PCDHGA6: variants seen among roughly 807,000 people sequenced by gnomAD.
The protein encoded by PCDHGA6 is protocadherin gamma-A6.
Under a neutral mutation model 60.6 loss-of-function variants are expected in PCDHGA6, and 41 were observed. The observed-to-expected ratio is 0.68, with a 90% CI of 0.53 to 0.88. The LOEUF is 0.88. PCDHGA6 is among the 40% of genes least tolerant of loss of function. The probability of loss-of-function intolerance (pLI) is 0.00; values close to 1 mark genes in which losing one functional copy is unlikely to be tolerated. For missense variants in PCDHGA6, 1,312 were observed against 1,203.0 expected, an observed-to-expected ratio of 1.09 and a Z score of -1.34; for synonymous variants, 594 against 524.4, an observed-to-expected ratio of 1.13 and a Z score of -1.81.
chr5:141,433,255 A>G (rs2097579829), intron 1 of PCDHGA6: 2 of 1,401,470 alleles, frequency 1.4e-6, no homozygotes, highest in South Asian at 1.4e-5. Context: ...ATGCAGCGGT[A>G]CGATCATAGC....
intron 1 of PCDHGA6, chr5:141,441,945 G>A: frequency 3.0e-6 from 1 of 333,884 alleles, no homozygotes; most frequent in Non-Finnish European, 5.8e-6. Flanking sequence ...ACCACGTGCT[G>A]CAGGCCAGCA....
chr5:141,428,618 T>G (rs554092834), intron 1 of PCDHGA6: 12 of 206,130 alleles, frequency 5.8e-5, no homozygotes, highest in Admixed American at 2.6e-4. Context: ...AATAACAAGA[T>G]AAGCTCTAAC....
At position 141,491,422 on chromosome 5, in the gene PCDHGA6, G is replaced by T. The variant is rs1413549196; in HGVS notation, c.2425-3385G>T. 1 of 1,614,112 alleles carries T rather than the reference G, an allele frequency of 6.2e-7. No homozygotes were observed. The stretch of plus-strand genomic sequence containing the variant: ...AAACGCAGACGGGGACGGGGGTGGA[G>T]GGCAGTGCTGCAGGCGCCAGGACTC... On this transcript the variant is annotated intron_variant, in intron 1 of 3. Coordinates refer to ENST00000517434, the MANE Select transcript of PCDHGA6 (RefSeq NM_018919.3). The surrounding 1 kb of genome is among the most constrained non-coding windows in gnomAD (Gnocchi z 6.9).
At chr5:141,446,020 T>C (rs1226676321) in intron 1 of PCDHGA6, among the ~76,000 whole-genome samples, 1 of 152,180 alleles carries the variant, frequency 6.6e-6, no homozygotes, top group African/African-American at 2.4e-5. Context: ...ACTATGGCAA[T>C]ATTCCTGGTA....
chr5:141,445,035 T>C (rs1438748354), intron 1 of PCDHGA6, among the ~76,000 whole-genome samples: 1 of 152,208 alleles, frequency 6.6e-6, no homozygotes, highest in Admixed American at 6.5e-5. Flanking sequence ...CTATGTTGTA[T>C]AGTTTTCAGT....
chr5:141,393,939 T>C (rs1488586975), intron 1 of PCDHGA6: 2 of 1,613,856 alleles, frequency 1.2e-6, no homozygotes, highest in Non-Finnish European at 8.5e-7. Context: ...TGACCAAGAC[T>C]CTGGAAAGAA....
chr5:141,433,357 G>GCCTA, intron 1 of PCDHGA6: 1 of 569,056 alleles, frequency 1.8e-6, no homozygotes, highest in Non-Finnish European at 3.1e-6. Context: ...CCTACTGTCT[G>GCCTA]CCTATCTATC....
At chr5:141,419,567 G>A in intron 1 of PCDHGA6, 1 of 1,611,758 alleles carries the variant, frequency 6.2e-7, no homozygotes, top group Non-Finnish European at 8.5e-7. Context: ...GCTGGGTCCC[G>A]ACGGCTCCGC....
intron 1 of PCDHGA6, among the ~76,000 whole-genome samples, chr5:141,458,829 C>T (rs2098954599): frequency 6.6e-6 from 1 of 152,108 alleles, no homozygotes; most frequent in Non-Finnish European, 1.5e-5. Context: ...GCCTCCCAGG[C>T]TCAAGTGATC....
At chr5:141,395,099 C>A (rs1337134243) in intron 1 of PCDHGA6, 1 of 1,614,228 alleles carries the variant, frequency 6.2e-7, no homozygotes. Flanking sequence ...TCACCGCCGA[C>A]TCGCGGAAGA....
At chr5:141,484,075 C>G (rs1397285710) in intron 1 of PCDHGA6, among the ~76,000 whole-genome samples, 2 of 152,084 alleles carry the variant, frequency 1.3e-5, no homozygotes, top group African/African-American at 4.8e-5. Context: ...AAAGCTTGCT[C>G]TTTTGAAATG....
intron 1 of PCDHGA6, chr5:141,422,528 C>T: frequency 5.0e-6 from 8 of 1,614,018 alleles, no homozygotes; most frequent in Non-Finnish European, 5.1e-6. Flanking sequence ...CCGCCTTTGT[C>T]TGCAGAAACT....
At chr5:141,421,434 C>T (rs1247535353) in intron 1 of PCDHGA6, 1 of 1,613,980 alleles carries the variant, frequency 6.2e-7, no homozygotes, top group Non-Finnish European at 8.5e-7. Context: ...GCATCGTCTC[C>T]AGAGGGAAGA....
chr5:141,483,892 A>C (rs1463395859), intron 1 of PCDHGA6, among the ~76,000 whole-genome samples: 1 of 151,652 alleles, frequency 6.6e-6, no homozygotes, highest in Non-Finnish European at 1.5e-5. Flanking sequence ...TATTTCTCTG[A>C]GCTCTGGTGT....
intron 1 of PCDHGA6, among the ~76,000 whole-genome samples, chr5:141,438,591 CAT>C (rs946798767): frequency 2.9e-3 from 219 of 75,538 alleles, no homozygotes; most frequent in Middle Eastern, 0.016. Context: ...TACATACATA[CAT>C]ATATATATAT....
At chr5:141,403,574 C>A (rs1441332710) in intron 1 of PCDHGA6, 1 of 1,613,960 alleles carries the variant, frequency 6.2e-7, no homozygotes, top group Admixed American at 1.7e-5. Flanking sequence ...GGCAACTGCC[C>A]ACCACCTGGT....
chr5:141,487,355 G>A lies in PCDHGA6; in HGVS notation c.2425-7452G>A. ...AGCCTGTGGAGTCACATGCTTTCCT[G>A]CTGGCACCTGTGCCTGTCTCACCAG... On this transcript the variant is annotated intron_variant, in intron 1 of 3. Coordinates refer to ENST00000517434, the MANE Select transcript of PCDHGA6 (RefSeq NM_018919.3). This position sits in a 1 kb window ranked among gnomAD's most constrained non-coding sequence, Gnocchi z 5.0. 1 of 1,614,150 alleles carries A rather than the reference G, an allele frequency of 6.2e-7. No homozygotes were observed. Among genetic ancestry groups the A allele is most frequent in the South Asian group, 1.1e-5 (1 of 91,090 alleles).
intron 2 of PCDHGA6, among the ~76,000 whole-genome samples, chr5:141,497,076 C>T (rs1052240279): frequency 5.9e-5 from 9 of 151,826 alleles, no homozygotes; most frequent in Non-Finnish European, 8.8e-5. Context: ...GTAATCCCAG[C>T]GACTTAGGAG....
intron 2 of PCDHGA6, among the ~76,000 whole-genome samples, chr5:141,497,393 CT>C (rs1035907100): frequency 2.1e-4 from 32 of 152,254 alleles, no homozygotes; most frequent in African/African-American, 7.5e-4. Context: ...CACCTTACCC[CT>C]GCCTCAACTC....
Sources: allele counts gnomAD v4.1 joint callset (sites outside exome capture counted in the v4.1 genomes callset), GRCh38; gene constraint gnomAD v4.1.1; non-coding constraint Gnocchi (gnomAD v3.1); transcripts MANE v1.5; gene names NCBI Gene and HGNC (gene_info 2026-07-23, HGNC 2026-07-21).